The following CHI3L2 variants were observed in gnomAD, a reference collection of about 807,000 sequenced individuals.
CHI3L2 encodes chitinase 3 like 2, also known as chitinase-3-like protein 2.
A neutral mutation model predicts 47.3 loss-of-function variants in CHI3L2; 47 were observed. That is an observed-to-expected ratio of 0.99 (90% CI 0.79 to 1.27). The LOEUF (loss-of-function observed/expected upper bound fraction) is 1.27. Among genes scored for constraint, CHI3L2 ranks in the 50% most tolerant of loss-of-function variants. The probability of loss-of-function intolerance (pLI) is 0.00; values close to 1 mark genes in which losing one functional copy is unlikely to be tolerated. For missense variants in CHI3L2, 497 were observed against 462.1 expected, an observed-to-expected ratio of 1.08 and a Z score of -0.69; for synonymous variants, 198 against 169.9, an observed-to-expected ratio of 1.17 and a Z score of -1.28.
chr1:111,238,866 C>G lies in CHI3L2; in HGVS notation c.852C>G (p.Ala284=). ...CCTCTGCAGAAACCACCGTGGGGGCCCCTGCCTCTGGCCCTGGAGCTGCTG... is the reference window on the plus strand; with the variant it reads ...CCTCTGCAGAAACCACCGTGGGGGCGCCTGCCTCTGGCCCTGGAGCTGCTG... ...TLASAETTVG[A]PASGPGAAGP... Residue 284 remains alanine, a synonymous_variant, in exon 8 of 11, where the codon GCC becomes GCG. Coordinates refer to ENST00000369748, the MANE Select transcript of CHI3L2 (RefSeq NM_004000.3). 6.2e-7 allele frequency: 1 copy of G among 1,613,550 alleles called. No homozygotes were observed. The highest frequency in any genetic ancestry group is 8.5e-7 in the Non-Finnish European group (1 of 1,179,744).
intron 7 of CHI3L2, among the ~76,000 whole-genome samples, chr1:111,237,469 G>A (rs570381389): frequency 9.2e-5 from 14 of 152,260 alleles, no homozygotes; most frequent in African/African-American, 3.4e-4. Flanking sequence ...TATCTGTGTT[G>A]CATGTTTCCA....
At chr1:111,232,088 T>C (rs1359582580) in intron 4 of CHI3L2, among the ~76,000 whole-genome samples, 2 of 152,236 alleles carry the variant, frequency 1.3e-5, no homozygotes, top group African/African-American at 4.8e-5. Flanking sequence ...GTGCAACCTG[T>C]CAGAAGTCAG....
intron 3 of CHI3L2, 67 bp downstream of exon 3, chr1:111,231,010 C>A: frequency 8.0e-7 from 1 of 1,245,406 alleles, no homozygotes; most frequent in Non-Finnish European, 1.2e-6. Flanking sequence ...CTTAAGCTGA[C>A]ACTAAGACAT....
In CHI3L2 at chr1:111,242,385, G is replaced by C. The variant is rs762033029; in HGVS notation, c.*2+19G>C. The C allele has an allele frequency of 1.9e-6, 3 of 1,579,948 alleles. No individual in the cohort carries two copies. The highest frequency in any genetic ancestry group is 3.6e-5 in the Admixed American group (2 of 55,836). ...TGTGAAGGTAACAGTCCAGGCTGGAGCTGGGAGTGGGCAGACAGCTGGGCA... is the reference window on the plus strand; with the variant it reads ...TGTGAAGGTAACAGTCCAGGCTGGACCTGGGAGTGGGCAGACAGCTGGGCA... On this transcript the variant is annotated intron_variant, in intron 10 of 10. Coordinates refer to ENST00000369748, the MANE Select transcript of CHI3L2 (RefSeq NM_004000.3).
At position 111,241,481 on chromosome 1, in the gene CHI3L2, A is replaced by G. The variant is rs201299163; in HGVS notation, c.1035+38A>G. 2.0e-3 allele frequency: 2,026 copies of G among 1,034,410 alleles called. 10 individuals are homozygous for G. Among genetic ancestry groups the G allele is most frequent in the Middle Eastern group, 4.7e-3 (23 of 4,946 alleles). 64.1% of individuals were successfully genotyped at this position (1,034,410 alleles called of 1,614,324 possible). A position where few individuals can be genotyped will look rare whatever the true frequency, so the allele number is the denominator to read the frequency against. On this transcript the variant is annotated intron_variant, in intron 9 of 10. Coordinates refer to ENST00000369748, the MANE Select transcript of CHI3L2 (RefSeq NM_004000.3). ...CAGGCAGATACTCCTTTAGGTGGGG[A>G]ATGGTGATATGTAGTAAAATGCCTG...
intron 9 of CHI3L2, among the ~76,000 whole-genome samples, chr1:111,241,839 T>C (rs1660067616): frequency 6.6e-6 from 1 of 152,244 alleles, no homozygotes; most frequent in Non-Finnish European, 1.5e-5. Context: ...TCCAGATTCC[T>C]GAGCCTACCA....
chr1:111,232,349 GCATTCATTCATT>G (rs35575573), intron 4 of CHI3L2, among the ~76,000 whole-genome samples: 8 of 151,568 alleles, frequency 5.3e-5, no homozygotes, highest in African/African-American at 1.2e-4. Flanking sequence ...ATTCATTCTT[GCATTCATTCATT>G]CATTCATTCA....
At chr1:111,238,719 C>G in intron 7 of CHI3L2, 31 bp from the exon 8 acceptor site, 2 of 1,609,972 alleles carry the variant, frequency 1.2e-6, no homozygotes, top group Middle Eastern at 3.3e-4. Flanking sequence ...TTTCCCCACA[C>G]TCTGAGCCTC....
Position 111,230,876 on chromosome 1 carries a change from A to G in CHI3L2, c.205A>G (p.Asn69Asp). 3 of 1,614,196 alleles carry G rather than the reference A, an allele frequency of 1.9e-6. No homozygotes were observed. Among genetic ancestry groups the G allele is most frequent in the Non-Finnish European group, 2.5e-6 (3 of 1,180,026 alleles). The change falls in exon 3 of 11, where the codon AAC (asparagine) becomes GAC (aspartate). Residue 69 changes from asparagine (N) to aspartate (D), a missense_variant. Transcript: ENST00000369748. ...LIYSFASIEN[N>D]KVIIKDKSEV... ...CTATTCATTCGCCAGCATCGAAAAC[A>G]ACAAGGTTATCATCAAGGACAAGAG...
At position 111,242,274 on chromosome 1, in the gene CHI3L2, T is replaced by A; in HGVS notation, c.1083T>A (p.Ser361=). The A allele has an allele frequency of 6.2e-7, 1 of 1,614,150 alleles. No homozygotes were observed. The highest frequency in any genetic ancestry group is 8.5e-7 in the Non-Finnish European group (1 of 1,179,996). Residue 361 remains serine (S), a synonymous_variant, in exon 10 of 11, where the codon TCT becomes TCA. Coordinates refer to ENST00000369748, the MANE Select transcript of CHI3L2 (RefSeq NM_004000.3). ...NLNLGGAMIW[S]IDMDDFTGKS... Reference sequence around the variant, plus strand: ...ACCTGGGAGGAGCCATGATCTGGTCTATTGACATGGATGACTTCACTGGCA... The same window carrying A: ...ACCTGGGAGGAGCCATGATCTGGTCAATTGACATGGATGACTTCACTGGCA...
intron 1 of CHI3L2, among the ~76,000 whole-genome samples, chr1:111,228,925 A>G (rs755823112): frequency 2.0e-5 from 3 of 152,168 alleles, no homozygotes; most frequent in Non-Finnish European, 4.4e-5. Context: ...TTCCTAGGGT[A>G]GATGTCCTAT....
At chr1:111,229,915 T>A in intron 2 of CHI3L2, 34 bp downstream of exon 2, 1 of 1,613,322 alleles carries the variant, frequency 6.2e-7, no homozygotes. Context: ...CGCCTGGATC[T>A]CCTGGCTTGG....
chr1:111,236,208 G>C (rs1483014988), intron 7 of CHI3L2, 55 bp downstream of exon 7: 36 of 1,580,314 alleles, frequency 2.3e-5, no homozygotes, highest in Non-Finnish European at 3.0e-5. Flanking sequence ...GGGCTGGGGA[G>C]AGTCCAGCAT....
Position 111,243,367 on chromosome 1 carries a change from C to G in CHI3L2, c.*153C>G. 2.6e-6 allele frequency: 1 copy of G among 389,918 alleles called. No homozygotes were observed. 24.2% of individuals were successfully genotyped at this position (389,918 alleles called of 1,614,324 possible). A position where few individuals can be genotyped will look rare whatever the true frequency, so the allele number is the denominator to read the frequency against. ...CTTCCTCTTAGATCATAGATTGGAC[C>G]TGGTTTTGTTTTCCTGCAGCTGTTG... is the stretch of plus-strand genomic sequence containing the variant. On this transcript the variant is annotated 3_prime_UTR_variant, in exon 11 of 11. Coordinates refer to ENST00000369748, the MANE Select transcript of CHI3L2 (RefSeq NM_004000.3).
chr1:111,236,129 A>T lies in CHI3L2; in HGVS notation c.711A>T (p.Arg237Ser), dbSNP rs1454625679. 1 of 1,614,038 alleles carries T rather than the reference A, an allele frequency of 6.2e-7. No homozygotes were observed. Among genetic ancestry groups the T allele is most frequent in the Non-Finnish European group, 8.5e-7 (1 of 1,180,018 alleles). ...CTCTGAGCAAGGGGTGGCAGGACAG[A>T]GGGCCAAGCTCCTACTACAATGTGG... Reference protein sequence around the residue: ...NSPLSKGWQDRGPSSYYNVEY... With the variant: ...NSPLSKGWQDSGPSSYYNVEY... The change falls in exon 7 of 11, where the codon AGA becomes AGT. Residue 237 changes from arginine to serine, a missense_variant. Physicochemically the swap from Arg to Ser is moderately radical, Grantham distance 110. Coordinates refer to ENST00000369748, the MANE Select transcript of CHI3L2 (RefSeq NM_004000.3).
In CHI3L2 at chr1:111,227,715, A is replaced by C. The variant is rs1311223539; in HGVS notation, c.-15A>C. The C allele has an allele frequency of 6.2e-7, 1 of 1,614,048 alleles. No homozygotes were observed. Among genetic ancestry groups the C allele is most frequent in the Non-Finnish European group, 8.5e-7 (1 of 1,179,898 alleles). Reference sequence around the variant, plus strand: ...ACCTAGAGAATGTGTATCCCAGAAGAAGCTGGCCAAGGATATGGGAGCAAC... The same window carrying C: ...ACCTAGAGAATGTGTATCCCAGAAGCAGCTGGCCAAGGATATGGGAGCAAC... On this transcript the variant is annotated 5_prime_UTR_variant, in exon 1 of 11. Transcript: ENST00000369748.
rs1029621613 is a variant in CHI3L2, at chr1:111,241,431, T to C, written c.1023T>C (p.Ser341=). 2.5e-6 allele frequency: 4 copies of C among 1,580,242 alleles called. No individual in the cohort carries two copies. The highest frequency in any genetic ancestry group is 3.5e-6 in the Non-Finnish European group (4 of 1,149,406). The part of the protein sequence containing the change: ...NQWVGYDDVK[S]METKVQFLKN... ...GGGTGGGCTATGATGATGTGAAGAG[T>C]ATGGAGACCAAGGTAGGTGGGCCAC... Residue 341 remains serine, a synonymous_variant, in exon 9 of 11, where the codon AGT becomes AGC. Transcript: ENST00000369748.
intron 2 of CHI3L2, 118 bp from the exon 3 acceptor site, chr1:111,230,624 A>G: frequency 1.2e-6 from 1 of 812,506 alleles, no homozygotes; most frequent in Non-Finnish European, 2.0e-6. Context: ...AATGACCCTC[A>G]GAGGCTCTGG....
intron 2 of CHI3L2, 57 bp from the exon 3 acceptor site, chr1:111,230,685 T>A: frequency 7.0e-7 from 1 of 1,437,954 alleles, no homozygotes; most frequent in Non-Finnish European, 9.8e-7. Flanking sequence ...ATTGTGACTT[T>A]CTGGACTCTA....
Sources: allele counts gnomAD v4.1 joint callset (sites outside exome capture counted in the v4.1 genomes callset), GRCh38; gene constraint gnomAD v4.1.1; transcripts MANE v1.5; gene names NCBI Gene and HGNC (gene_info 2026-07-23, HGNC 2026-07-21).